The following CRB1 variants were observed in gnomAD, a reference collection of about 807,000 sequenced individuals.
CRB1 encodes crumbs cell polarity complex component 1, also known as protein crumbs homolog 1.
A neutral mutation model predicts 120.0 loss-of-function variants in CRB1; 83 were observed. The ratio of observed to expected loss-of-function variants is 0.69; its 90% CI spans 0.58 to 0.83. The LOEUF (loss-of-function observed/expected upper bound fraction) is 0.83, where lower values mean the gene tolerates loss of function less well. Ranked by LOEUF, CRB1 falls within the 40% of genes least tolerant of loss-of-function variation. The pLI, the probability that CRB1 is intolerant of heterozygous loss-of-function variation, is 0.00. For synonymous variants in CRB1, 625 were observed against 612.5 expected (o/e 1.02, Z -0.30); for missense variants, 1,699 against 1,687.6 (o/e 1.01, Z -0.12).
At chr1:197,375,939 TG>T (rs1397995473) in intron 5 of CRB1, among the ~76,000 whole-genome samples, 1 of 152,204 alleles carries the variant, frequency 6.6e-6, no homozygotes. Context: ...AGGCAGTTTT[TG>T]TTACTTCGGT....
intron 1 of CRB1, among the ~76,000 whole-genome samples, chr1:197,286,160 C>A (rs1426930385): frequency 6.6e-6 from 1 of 151,806 alleles, no homozygotes; most frequent in Non-Finnish European, 1.5e-5. Flanking sequence ...AGAGATTTTT[C>A]TTTTCCTTCA....
chr1:197,254,959 A>G, the CRB1 span, among the ~76,000 whole-genome samples: 1 of 152,094 alleles, frequency 6.6e-6, no homozygotes, highest in Non-Finnish European at 1.5e-5. Flanking sequence ...CACCATGTAC[A>G]GTGACTTCAC....
intron 5 of CRB1, among the ~76,000 whole-genome samples, chr1:197,390,068 A>T (rs765528197): frequency 2.0e-5 from 3 of 151,176 alleles, no homozygotes; most frequent in Non-Finnish European, 2.9e-5. Flanking sequence ...GGGACTGAGA[A>T]GGGGAACAGG....
chr1:197,228,645 C>G, the CRB1 span, among the ~76,000 whole-genome samples: 1 of 152,322 alleles, frequency 6.6e-6, no homozygotes, highest in African/African-American at 2.4e-5. Context: ...GCCCTCCAAA[C>G]TGTTCCAACC....
Position 197,457,480 on chromosome 1 carries a change from AG to A in CRB1, c.4005+15189del, listed in dbSNP as rs771424334. On this transcript the variant is annotated intron_variant, in intron 11 of 11. Coordinates refer to ENST00000367400, the MANE Select transcript of CRB1 (RefSeq NM_201253.3). ...TATTACCAATTAGCTATACTGCAAAAGCCTTCATTTGTCTGCCTCATCCTCC... is the reference window on the plus strand; with the variant it reads ...TATTACCAATTAGCTATACTGCAAAACCTTCATTTGTCTGCCTCATCCTCC... 2.6e-5 allele frequency among the ~76,000 whole-genome samples: 4 copies of A among 152,108 alleles called. No individual in the cohort carries two copies. The East Asian group carries it at 5.8e-4, about 22-fold the overall frequency.
chr1:197,318,733 G>A (rs1433830477), intron 1 of CRB1, among the ~76,000 whole-genome samples: 1 of 152,150 alleles, frequency 6.6e-6, no homozygotes, highest in Non-Finnish European at 1.5e-5. Flanking sequence ...AGTAAAATAA[G>A]TCAGGCTTGG....
chr1:197,212,930 G>T, the CRB1 span, among the ~76,000 whole-genome samples: 1 of 152,080 alleles, frequency 6.6e-6, no homozygotes, highest in African/African-American at 2.4e-5. Context: ...AACGGGAATG[G>T]ATAAAGAGGT....
At chr1:197,423,913 A>G (rs1558128707) in intron 6 of CRB1, among the ~76,000 whole-genome samples, 1 of 152,198 alleles carries the variant, frequency 6.6e-6, no homozygotes, top group Non-Finnish European at 1.5e-5. Flanking sequence ...AGCTTAGGTC[A>G]CAGAAGTGTC....
intron 2 of CRB1, among the ~76,000 whole-genome samples, chr1:197,343,188 C>T (rs141868392): frequency 6.6e-6 from 1 of 152,036 alleles, no homozygotes; most frequent in Non-Finnish European, 1.5e-5. Context: ...AAAATGGGCA[C>T]AAATCAATTG....
At chr1:197,298,125 C>T (rs1656646316) in intron 1 of CRB1, among the ~76,000 whole-genome samples, 1 of 152,058 alleles carries the variant, frequency 6.6e-6, no homozygotes, top group Non-Finnish European at 1.5e-5. Flanking sequence ...TGCTTCTTTT[C>T]TTTTGTTCTA....
the CRB1 span, among the ~76,000 whole-genome samples, chr1:197,233,825 C>T: frequency 2.0e-5 from 3 of 152,222 alleles, no homozygotes; most frequent in Admixed American, 6.5e-5. Context: ...TGGGCCTAAT[C>T]ATTTCTGCCT....
chr1:197,408,351 G>A (rs1296509963), intron 5 of CRB1, among the ~76,000 whole-genome samples: 1 of 152,070 alleles, frequency 6.6e-6, no homozygotes, highest in Non-Finnish European at 1.5e-5. Flanking sequence ...GAAAGAGAGA[G>A]AGAAAACTTT....
At chr1:197,406,335 G>A (rs1437327679) in intron 5 of CRB1, among the ~76,000 whole-genome samples, 1 of 151,966 alleles carries the variant, frequency 6.6e-6, no homozygotes, top group Non-Finnish European at 1.5e-5. Context: ...ATGGATTAAG[G>A]GTGGTGCAAG....
the CRB1 span, among the ~76,000 whole-genome samples, chr1:197,238,278 T>C: frequency 6.6e-6 from 1 of 152,158 alleles, no homozygotes; most frequent in Non-Finnish European, 1.5e-5. Flanking sequence ...TAGAAACAAA[T>C]GAAGACAAAT....
At chr1:197,302,432 T>G (rs1230631538) in intron 1 of CRB1, among the ~76,000 whole-genome samples, 1 of 152,214 alleles carries the variant, frequency 6.6e-6, no homozygotes, top group East Asian at 1.9e-4. Context: ...ATATTTGCTT[T>G]ATTACAGTAG....
chr1:197,204,370 G>C, the CRB1 span, among the ~76,000 whole-genome samples: 2 of 152,140 alleles, frequency 1.3e-5, no homozygotes, highest in African/African-American at 4.8e-5. Context: ...TTTCCATAGC[G>C]GTTGTACTAG....
At chr1:197,477,354 T>C (rs1667239586) in intron 11 of CRB1, among the ~76,000 whole-genome samples, 1 of 152,194 alleles carries the variant, frequency 6.6e-6, no homozygotes, top group Admixed American at 6.6e-5. Context: ...TAAATATAAG[T>C]GTGGGCTCAT....
intron 1 of CRB1, among the ~76,000 whole-genome samples, chr1:197,290,306 T>TGTGTGTGTGTG (rs1558032615): frequency 6.2e-5 from 5 of 80,224 alleles, no homozygotes; most frequent in African/African-American, 2.0e-4. Flanking sequence ...GTGTGTGTGT[T>TGTGTGTGTGTG]TGAAGAGAAG....
intron 5 of CRB1, among the ~76,000 whole-genome samples, chr1:197,410,040 C>G (rs1663624660): frequency 6.6e-6 from 1 of 152,204 alleles, no homozygotes; most frequent in African/African-American, 2.4e-5. Flanking sequence ...CCTCCTCGGC[C>G]TCCCAAAGTG....
Sources: gnomAD v4.1 joint callset for allele counts (sites outside exome capture counted in the v4.1 genomes callset) on GRCh38, gnomAD v4.1.1 for gene constraint, MANE v1.5 for transcripts, NCBI Gene and HGNC (gene_info 2026-07-23, HGNC 2026-07-21) for gene names.